The following KDM2B variants were observed in gnomAD, a reference collection of about 807,000 sequenced individuals.
KDM2B encodes the protein lysine-specific demethylase 2B.
Under a neutral mutation model 150.0 loss-of-function variants are expected in KDM2B, and 26 were observed. The observed-to-expected ratio is 0.17, with a 90% CI of 0.13 to 0.24. KDM2B has a LOEUF of 0.24. KDM2B is among the 10% of genes least tolerant of loss of function. The probability of loss-of-function intolerance (pLI) is 1.00; values close to 1 mark genes in which losing one functional copy is unlikely to be tolerated. For synonymous variants in KDM2B, 734 were observed against 729.5 expected, an observed-to-expected ratio of 1.01 and a Z score of -0.10; for missense variants, 1,265 against 1,816.9, an observed-to-expected ratio of 0.70 and a Z score of 5.52.
intron 10 of KDM2B, among the ~76,000 whole-genome samples, chr12:121,511,397 C>CT (rs1376835191): frequency 2.0e-5 from 3 of 151,766 alleles, no homozygotes; most frequent in Non-Finnish European, 4.4e-5. Context: ...AGCGAGTCTC[C>CT]TGCCTCAGCC....
chr12:121,431,579 A>G (rs1240291216), intron 22 of KDM2B, among the ~76,000 whole-genome samples: 1 of 152,164 alleles, frequency 6.6e-6, no homozygotes, highest in East Asian at 1.9e-4. Flanking sequence ...TGTGCTATCT[A>G]CATGTTATCA....
At chr12:121,524,792 A>G (rs914344110) in intron 8 of KDM2B, 3 of 404,152 alleles carry the variant, frequency 7.4e-6, no homozygotes, top group African/African-American at 6.2e-5. Context: ...GTCATCGACA[A>G]TATGAAGGCA....
At chr12:121,524,120 G>A (rs1886926575) in intron 8 of KDM2B, among the ~76,000 whole-genome samples, 1 of 152,160 alleles carries the variant, frequency 6.6e-6, no homozygotes, top group African/African-American at 2.4e-5. Flanking sequence ...ACAGGCAGGT[G>A]CATCTTATAT....
At chr12:121,440,660 C>T (rs782644225) in intron 21 of KDM2B, 156 bp downstream of exon 21, 1 of 719,438 alleles carries the variant, frequency 1.4e-6, no homozygotes, top group Non-Finnish European at 2.3e-6. Flanking sequence ...TGCCTCCTCC[C>T]AGATCCCCTC....
chr12:121,511,811 C>T (rs145917138), intron 10 of KDM2B, among the ~76,000 whole-genome samples: 7 of 152,286 alleles, frequency 4.6e-5, no homozygotes, highest in East Asian at 3.9e-4. Context: ...AGCCGTGGTG[C>T]GGAGTACACA....
In KDM2B at chr12:121,452,719, C is replaced by G. The variant is rs1877512418; in HGVS notation, c.1959+401G>C. 6.6e-6 allele frequency among the ~76,000 whole-genome samples: 1 copy of G among 152,084 alleles called. No homozygotes were observed. The highest frequency in any genetic ancestry group is 1.5e-5 in the Non-Finnish European group (1 of 68,004). On this transcript the variant is annotated intron_variant, in intron 13 of 22. Transcript: ENST00000377071. The surrounding 1 kb of genome is among the most constrained non-coding windows in gnomAD (Gnocchi z 4.4). ...CTCTCCCGGGCGCGGCTCCTCAGTACCATAAATCACTCCTTGTTGGGGGCA... is the reference window on the plus strand; with the variant it reads ...CTCTCCCGGGCGCGGCTCCTCAGTAGCATAAATCACTCCTTGTTGGGGGCA...
Position 121,429,644 on chromosome 12 carries a change from A to G in KDM2B, c.*644T>C. On this transcript the variant is annotated 3_prime_UTR_variant, in exon 23 of 23. Coordinates refer to ENST00000377071, the MANE Select transcript of KDM2B (RefSeq NM_032590.5). ...AACATGCTTTTAAGTGGAAGGTCTT[A>G]GCCTACTTTGTTAGATCTGGGCACA... is the stretch of plus-strand genomic sequence containing the variant. The G allele has an allele frequency of 4.1e-6, 1 of 243,282 alleles. No individual in the cohort carries two copies. Among genetic ancestry groups the G allele is most frequent in the Non-Finnish European group, 8.0e-6 (1 of 125,612 alleles). The allele number at this position is 243,282 out of a possible 1,614,324, so 15.1% of individuals were successfully genotyped here. A position where few individuals can be genotyped will look rare whatever the true frequency, so the allele number is the denominator to read the frequency against.
Position 121,549,436 on chromosome 12 carries a change from A to T in KDM2B, c.576+24T>A, listed in dbSNP as rs373438068. 1.7e-4 allele frequency: 270 copies of T among 1,558,682 alleles called. No homozygotes were observed. Among genetic ancestry groups the T allele is most frequent in the Non-Finnish European group, 2.2e-4 (257 of 1,144,272 alleles). On this transcript the variant is annotated intron_variant, in intron 5 of 22. Coordinates refer to ENST00000377071, the MANE Select transcript of KDM2B (RefSeq NM_032590.5). The surrounding 1 kb of genome is among the most constrained non-coding windows in gnomAD (Gnocchi z 4.4). ...GAGATGAGGTGGAAGGTATCTGGGG[A>T]GGGTACCTGGGCCCCGGACCTACCA... is the stretch of plus-strand genomic sequence containing the variant.
chr12:121,568,817 G>C (rs2136405217), intron 4 of KDM2B, among the ~76,000 whole-genome samples: 1 of 150,658 alleles, frequency 6.6e-6, no homozygotes, highest in African/African-American at 2.4e-5. Context: ...TCAATGAATG[G>C]GGTTTTTTTA....
chr12:121,494,491 G>C (rs1555300489), intron 12 of KDM2B, 88 bp downstream of exon 12: 2 of 923,622 alleles, frequency 2.2e-6, no homozygotes, highest in South Asian at 2.8e-5. Context: ...AGGCCCCATA[G>C]CTACCCAAAA....
chr12:121,472,538 C>T (rs2139692439), intron 12 of KDM2B, among the ~76,000 whole-genome samples: 1 of 152,326 alleles, frequency 6.6e-6, no homozygotes, highest in Admixed American at 6.5e-5. Context: ...TCTAAATAGA[C>T]TAAGCTTTCT....
At chr12:121,450,313 CA>C (rs563576089) in intron 13 of KDM2B, among the ~76,000 whole-genome samples, 4,957 of 98,824 alleles carry the variant, frequency 0.05, 228 homozygotes, top group African/African-American at 0.16. Context: ...GACTCTGTCT[CA>C]AAAAAAAAAA....
the KDM2B span, chr12:121,416,054 A>G: frequency 1.2e-6 from 1 of 855,334 alleles, no homozygotes; most frequent in Non-Finnish European, 1.9e-6. Flanking sequence ...GTAATCTCAA[A>G]GTTATTGAGG....
In KDM2B at chr12:121,513,514, T is replaced by G; in HGVS notation, c.1048-112A>C. On this transcript the variant is annotated intron_variant, in intron 9 of 22. Coordinates refer to ENST00000377071, the MANE Select transcript of KDM2B (RefSeq NM_032590.5). This position sits in a 1 kb window ranked among gnomAD's most constrained non-coding sequence, Gnocchi z 5.0. Reference sequence around the variant, plus strand: ...CAGGTGAGGGTCACTGTCATCATCTTAGCGAGAGCATGGATGGTCGGGGGA... The same window carrying G: ...CAGGTGAGGGTCACTGTCATCATCTGAGCGAGAGCATGGATGGTCGGGGGA... 1 of 1,211,612 alleles carries G rather than the reference T, an allele frequency of 8.3e-7. No homozygotes were observed. Among genetic ancestry groups the G allele is most frequent in the Non-Finnish European group, 1.2e-6 (1 of 845,096 alleles). The allele number at this position is 1,211,612 out of a possible 1,614,324, so 75.1% of individuals were successfully genotyped here.
intron 12 of KDM2B, among the ~76,000 whole-genome samples, chr12:121,484,928 T>C (rs1882598270): frequency 1.3e-5 from 2 of 152,044 alleles, no homozygotes; most frequent in Non-Finnish European, 2.9e-5. Flanking sequence ...CCAAAATTCA[T>C]ATGTTGAAAT....
intron 13 of KDM2B, among the ~76,000 whole-genome samples, chr12:121,451,004 G>A (rs1295884587): frequency 1.3e-5 from 2 of 152,140 alleles, no homozygotes; most frequent in African/African-American, 4.8e-5. Context: ...CCACTTCTGG[G>A]CATGGAGTTG....
At position 121,580,812 on chromosome 12, in the gene KDM2B, A is replaced by G; in HGVS notation, c.100T>C (p.Cys34Arg). 4 of 1,613,398 alleles carry G rather than the reference A, an allele frequency of 2.5e-6. No individual in the cohort carries two copies. Among genetic ancestry groups the G allele is most frequent in the Non-Finnish European group, 3.4e-6 (4 of 1,179,792 alleles). ...QKKKTVIYTK[C>R]FEFESATQRP... ...TGTGTGGCCGACTCAAATTCAAAGCATTTTGTATATATAACTGTTTTCTTT... is the reference window on the plus strand; with the variant it reads ...TGTGTGGCCGACTCAAATTCAAAGCGTTTTGTATATATAACTGTTTTCTTT... The change falls in exon 1 of 23, where the codon TGC becomes CGC. Residue 34 changes from cysteine to arginine, a missense_variant. Physicochemically the swap from Cys to Arg is radical, Grantham distance 180. Around this residue, in one of 11 missense-constraint regions of KDM2B, gnomAD observed 53 missense variants for 56.0 expected, o/e 0.95. Coordinates refer to ENST00000377071, the MANE Select transcript of KDM2B (RefSeq NM_032590.5).
At chr12:121,449,159 G>T (rs1555291000) in intron 13 of KDM2B, among the ~76,000 whole-genome samples, 1 of 150,666 alleles carries the variant, frequency 6.6e-6, no homozygotes, top group Non-Finnish European at 1.5e-5. Flanking sequence ...GGTGCCAGAG[G>T]CAAATCTCCT....
At chr12:121,477,270 C>T (rs1394396474) in intron 12 of KDM2B, among the ~76,000 whole-genome samples, 1 of 152,036 alleles carries the variant, frequency 6.6e-6, no homozygotes, top group Admixed American at 6.6e-5. Context: ...CATGGTCTCA[C>T]CTTGGCTTCT....
Sources: allele counts gnomAD v4.1 joint callset (sites outside exome capture counted in the v4.1 genomes callset), GRCh38; gene constraint gnomAD v4.1.1; regional missense constraint gnomAD v4.1.1; non-coding constraint Gnocchi (gnomAD v3.1); transcripts MANE v1.5; gene names NCBI Gene and HGNC (gene_info 2026-07-23, HGNC 2026-07-21).